The following AKAP17A variants were observed in gnomAD, a reference collection of about 807,000 sequenced individuals.
The protein encoded by AKAP17A is A-kinase anchoring protein 17A, also known as A-kinase anchor protein 17A.
Under a neutral mutation model 52.2 loss-of-function variants are expected in AKAP17A, and 15 were observed. That is an observed-to-expected ratio of 0.29 (90% CI 0.19 to 0.44). AKAP17A has a LOEUF of 0.44. AKAP17A is among the 20% of genes least tolerant of loss of function. The pLI is 1.00. For synonymous variants in AKAP17A, 514 were observed against 424.7 expected (o/e 1.21, Z -2.58); for missense variants, 1,060 against 1,007.0 (o/e 1.05, Z -0.71).
Position 1,594,187 on chromosome X carries a change from A to G in AKAP17A, c.725A>G (p.Lys242Arg), listed in dbSNP as rs1321026887. 3.8e-6 allele frequency: 6 copies of G among 1,577,562 alleles called. No homozygotes were observed. Among genetic ancestry groups the G allele is most frequent in the African/African-American group, 1.4e-5 (1 of 73,890 alleles). Reference sequence around the variant, plus strand: ...CTGCGCGGGATGAAACTCATGTACAAGGGCGAGGACGGCAAGGCCGTGGCC... The same window carrying G: ...CTGCGCGGGATGAAACTCATGTACAGGGGCGAGGACGGCAAGGCCGTGGCC... ...SALRGMKLMY[K>R]GEDGKAVACN... Residue 242 changes from lysine (K) to arginine (R), a missense_variant, in exon 2 of 5, where the codon AAG (lysine) becomes AGG (arginine). Lys to Arg is a conservative substitution (Grantham distance 26). Transcript: ENST00000313871.
At position 1,601,135 on chromosome X, in the gene AKAP17A, G is replaced by A. The variant is rs146848129; in HGVS notation, c.1629G>A (p.Pro543=). The change falls in exon 5 of 5, where the codon CCG becomes CCA. Residue 543 remains proline (P), a synonymous_variant. Transcript: ENST00000313871. ...ATGGCTCTCCAGAGAAGAGGTGCCC[G>A]GGCGGCGTCCTCTCCTGCATTCCTG... ...PEDGSPEKRC[P]GGVLSCIPDN... 183 of 1,613,874 alleles carry A rather than the reference G, an allele frequency of 1.1e-4. No homozygotes were observed. The Middle Eastern group carries it at 1.5e-3, about 13-fold the overall frequency.
intron 4 of AKAP17A, chrX:1,600,436 C>G (rs1336253156): frequency 1.3e-5 from 8 of 637,450 alleles, no homozygotes; most frequent in Non-Finnish European, 1.9e-5. Context: ...CCTTCTCACT[C>G]AGACGCATGA....
chrX:1,592,538 C>A (rs1932856351), intron 1 of AKAP17A, among the ~76,000 whole-genome samples: 1 of 152,004 alleles, frequency 6.6e-6, no homozygotes, highest in Non-Finnish European at 1.5e-5. Context: ...TCCCTGGTGC[C>A]CCACTGACCT....
In AKAP17A at chrX:1,601,041, T is replaced by A; in HGVS notation, c.1535T>A (p.Val512Glu). The change falls in exon 5 of 5, where the codon GTG (valine) becomes GAG (glutamate). Residue 512 changes from valine (V) to glutamate (E), a missense_variant. Coordinates refer to ENST00000313871, the MANE Select transcript of AKAP17A (RefSeq NM_005088.3). ...HPEADGAPKS[V>E]NGSVAEEAPC... ...GAGGCCGACGGCGCTCCCAAAAGCG[T>A]GAACGGGAGCGTGGCCGAGGAGGCC... 6.2e-7 allele frequency: 1 copy of A among 1,612,540 alleles called. No homozygotes were observed. The highest frequency in any genetic ancestry group is 8.5e-7 in the Non-Finnish European group (1 of 1,179,546).
chrX:1,600,464 G>A (rs1201407676), intron 4 of AKAP17A, among the ~76,000 whole-genome samples, 195 bp from the exon 5 acceptor site: 2 of 152,104 alleles, frequency 1.3e-5, no homozygotes, highest in Non-Finnish European at 2.9e-5. Flanking sequence ...AGGTGTGGCC[G>A]CGGGAGCCGA....
chrX:1,593,552 G>A lies in AKAP17A; in HGVS notation c.90G>A (p.Met30Ile). The A allele has an allele frequency of 6.2e-7, 1 of 1,613,728 alleles. No homozygotes were observed. Among genetic ancestry groups the A allele is most frequent in the Non-Finnish European group, 8.5e-7 (1 of 1,179,874 alleles). Residue 30 changes from methionine (M) to isoleucine (I), a missense_variant, in exon 2 of 5, where the codon ATG (methionine) becomes ATA (isoleucine). Met to Ile is a conservative substitution (Grantham distance 10, BLOSUM62 1). Around this residue, in one of 2 missense-constraint regions of AKAP17A, gnomAD observed 267 missense variants for 377.1 expected, o/e 0.71. Transcript: ENST00000313871. The stretch of plus-strand genomic sequence containing the variant: ...TGTACCTGAAGCCCATCACCAAGAT[G>A]ACCATCAGCGTGGCACTCCCGCAGC... ...YGLYLKPITK[M>I]TISVALPQLK...
chrX:1,598,663 G>A (rs1208547230), intron 3 of AKAP17A, among the ~76,000 whole-genome samples: 1 of 152,144 alleles, frequency 6.6e-6, no homozygotes, highest in Non-Finnish European at 1.5e-5. Context: ...CCTCTCCACA[G>A]GAAAAGTGCA....
chrX:1,601,490 G>A lies in AKAP17A; in HGVS notation c.1984G>A (p.Glu662Lys), dbSNP rs1391344588. The change falls in exon 5 of 5, where the codon GAG becomes AAG. Residue 662 changes from glutamate to lysine, a missense_variant. Glu to Lys is a moderately conservative substitution (Grantham distance 56, BLOSUM62 1). Coordinates refer to ENST00000313871, the MANE Select transcript of AKAP17A (RefSeq NM_005088.3). The stretch of plus-strand genomic sequence containing the variant: ...CAGGCACCGGAGGGAGCGGAGCCGG[G>A]AGCGGAGGGGCAGCGCCAGCAGGAA... ...KDRHRRERSRERRGSASRKHS... is the reference protein window; with the variant it reads ...KDRHRRERSRKRRGSASRKHS... The A allele has an allele frequency of 3.2e-6, 5 of 1,551,934 alleles. No homozygotes were observed. The highest frequency in any genetic ancestry group is 4.3e-6 in the Non-Finnish European group (5 of 1,157,922).
intron 1 of AKAP17A, among the ~76,000 whole-genome samples, chrX:1,592,609 G>T (rs1483575318): frequency 6.6e-6 from 1 of 152,132 alleles, no homozygotes; most frequent in Non-Finnish European, 1.5e-5. Flanking sequence ...GGGCTTGGGC[G>T]AGGAGGCCGT....
In AKAP17A at chrX:1,601,802, C is replaced by T. The variant is rs1253134406; in HGVS notation, c.*208C>T. On this transcript the variant is annotated 3_prime_UTR_variant, in exon 5 of 5. Coordinates refer to ENST00000313871, the MANE Select transcript of AKAP17A (RefSeq NM_005088.3). ...ACTCACCGCAGCGTACTTGGCACTT[C>T]AGTTTCAAACACGTAGTCCTTTAAA... is the stretch of plus-strand genomic sequence containing the variant. 6.9e-6 allele frequency: 3 copies of T among 432,168 alleles called. No individual in the cohort carries two copies. The highest frequency in any genetic ancestry group is 6.1e-5 in the African/African-American group (3 of 48,966). The allele number at this position is 432,168 out of a possible 1,614,324, so 26.8% of individuals were successfully genotyped here.
At chrX:1,596,019 C>T (rs1487969829) in intron 3 of AKAP17A, among the ~76,000 whole-genome samples, 1 of 152,084 alleles carries the variant, frequency 6.6e-6, no homozygotes, top group Admixed American at 6.6e-5. Flanking sequence ...GAATGTTTCT[C>T]TTTTTCTTGT....
In AKAP17A at chrX:1,601,388, G is replaced by A. The variant is rs184854549; in HGVS notation, c.1882G>A (p.Ala628Thr). ...GGAGCGGCGGCCCCACAAGAAGCAC[G>A]CCTACAAGGATGACAGCCCCCGCCG... ...RKERRPHKKHAYKDDSPRRRS... is the reference protein window; with the variant it reads ...RKERRPHKKHTYKDDSPRRRS... Residue 628 changes from alanine to threonine, a missense_variant, in exon 5 of 5, where the codon GCC becomes ACC. Ala to Thr is a moderately conservative substitution (Grantham distance 58). Coordinates refer to ENST00000313871, the MANE Select transcript of AKAP17A (RefSeq NM_005088.3). The A allele has an allele frequency of 6.7e-4, 1,054 of 1,569,100 alleles. 3 individuals are homozygous for A. In the African/African-American group the frequency reaches 8.5e-3, roughly 13 times the overall value.
chrX:1,601,279 C>T lies in AKAP17A; in HGVS notation c.1773C>T (p.Thr591=), dbSNP rs750130265. ...REPSKGRGRA[T]GDGLADRHKR... ...CCAGCAAGGGCCGGGGCCGGGCCAC[C>T]GGAGACGGGCTTGCTGACCGGCACA... Residue 591 remains threonine (T), a synonymous_variant, in exon 5 of 5, where the codon ACC becomes ACT. Transcript: ENST00000313871. The T allele has an allele frequency of 3.8e-5, 61 of 1,612,006 alleles. No individual in the cohort carries two copies. Among genetic ancestry groups the T allele is most frequent in the South Asian group, 3.3e-4 (30 of 91,046 alleles).
intron 2 of AKAP17A, 124 bp downstream of exon 2, chrX:1,594,348 C>A: frequency 1.7e-6 from 2 of 1,165,896 alleles, no homozygotes; most frequent in Non-Finnish European, 2.3e-6. Flanking sequence ...AGTAAAATGG[C>A]AGCAACAGTC....
chrX:1,601,005 C>T lies in AKAP17A; in HGVS notation c.1499C>T (p.Pro500Leu), dbSNP rs201230652. 2.1e-4 allele frequency: 338 copies of T among 1,606,590 alleles called. 2 individuals are homozygous for T. The East Asian group carries it at 5.5e-3, about 26-fold the overall frequency. ...QPPAGAPKES[P>L]AHPEADGAPK... ...CCGGCCGGTGCCCCCAAGGAGAGCC[C>T]GGCCCACCCAGAGGCCGACGGCGCT... The change falls in exon 5 of 5, where the codon CCG becomes CTG. Residue 500 changes from proline to leucine, a missense_variant. Transcript: ENST00000313871.
chrX:1,596,521 C>T (rs866697886), intron 3 of AKAP17A, among the ~76,000 whole-genome samples: 592 of 28,692 alleles, frequency 0.021, 3 homozygotes, highest in East Asian at 0.03. Flanking sequence ...CCTAGTGAGG[C>T]GGAATCCTCC....
At chrX:1,593,090 G>T (rs1413050873) in intron 1 of AKAP17A, among the ~76,000 whole-genome samples, 1 of 151,942 alleles carries the variant, frequency 6.6e-6, no homozygotes, top group African/African-American at 2.4e-5. Flanking sequence ...TAGCGTCCCC[G>T]TTCCTACTTG....
rs188526225 is a variant in AKAP17A, at chrX:1,597,897, T to C, written c.912-1295T>C. 4.4e-4 allele frequency among the ~76,000 whole-genome samples: 67 copies of C among 152,104 alleles called. 1 individual carries two copies. Among genetic ancestry groups the C allele is most frequent in the Admixed American group, 1.4e-3 (21 of 15,288 alleles). Reference sequence around the variant, plus strand: ...GAGCCCCGGGGAGGGGCAGGCCTGTTGTCTGGGGGAGCTGGCCAGGAGGGC... The same window carrying C: ...GAGCCCCGGGGAGGGGCAGGCCTGTCGTCTGGGGGAGCTGGCCAGGAGGGC... On this transcript the variant is annotated intron_variant, in intron 3 of 4. Transcript: ENST00000313871.
Position 1,593,835 on chromosome X carries a change from C to A in AKAP17A, c.373C>A (p.His125Asn). ...AEFKIDFPTR[H>N]DWDSFFRDAK... ...GTTCAAGATCGACTTCCCCACCCGC[C>A]ACGACTGGGACTCCTTCTTCCGCGA... Residue 125 changes from histidine to asparagine, a missense_variant, in exon 2 of 5, where the codon CAC (histidine) becomes AAC (asparagine). Transcript: ENST00000313871. 1 of 1,611,084 alleles carries A rather than the reference C, an allele frequency of 6.2e-7. No individual in the cohort carries two copies.
Sources: gnomAD v4.1 joint callset for allele counts (sites outside exome capture counted in the v4.1 genomes callset) on GRCh38, gnomAD v4.1.1 for gene constraint, gnomAD v4.1.1 regional missense constraint, MANE v1.5 for transcripts, NCBI Gene and HGNC (gene_info 2026-07-23, HGNC 2026-07-21) for gene names.